Variants in ZC3H12D observed in about 807,000 individuals in gnomAD.
ZC3H12D encodes probable ribonuclease ZC3H12D.
ZC3H12D carries 11 observed loss-of-function variants against 24.2 expected under a neutral mutation model. The ratio of observed to expected loss-of-function variants is 0.46; its 90% CI spans 0.29 to 0.75. The LOEUF (loss-of-function observed/expected upper bound fraction) is 0.75. ZC3H12D is among the 30% of genes least tolerant of loss of function. The pLI is 0.11. For synonymous variants in ZC3H12D, 333 were observed against 341.8 expected (o/e 0.97, Z 0.28); for missense variants, 740 against 767.7 (o/e 0.96, Z 0.43).
At chr6:149,477,699 C>T (rs656461) in intron 1 of ZC3H12D, among the ~76,000 whole-genome samples, 25,420 of 152,096 alleles carry the variant, frequency 0.17, 3,407 homozygotes, top group East Asian at 0.72. Flanking sequence ...CCACTGAGCA[C>T]CAGGCACAGT....
intron 1 of ZC3H12D, among the ~76,000 whole-genome samples, chr6:149,481,214 C>T (rs548157212): frequency 6.6e-5 from 10 of 151,740 alleles, no homozygotes; most frequent in Non-Finnish European, 1.2e-4. Context: ...TCCCTCCCCA[C>T]GCAGGCACTG....
intron 2 of ZC3H12D, among the ~76,000 whole-genome samples, chr6:149,463,067 C>T (rs1013825384): frequency 3.9e-5 from 6 of 152,290 alleles, no homozygotes; most frequent in Middle Eastern, 3.4e-3. Flanking sequence ...CTGACTAATA[C>T]GGCTCCAAGA....
rs969474595 is a variant in ZC3H12D at position 149,452,072 on chromosome 6, T to C, written c.787+544A>G. The C allele has an allele frequency of 1.3e-5, 2 of 153,532 alleles. No individual in the cohort carries two copies. Among genetic ancestry groups the C allele is most frequent in the African/African-American group, 4.8e-5 (2 of 41,508 alleles). 9.5% of individuals were successfully genotyped at this position (153,532 alleles called of 1,614,324 possible). ...GGAGGAGTCAGCCTGAATGTATGTATGGTCACCTAATTCTAACAAGAAATG... is the reference window on the plus strand; with the variant it reads ...GGAGGAGTCAGCCTGAATGTATGTACGGTCACCTAATTCTAACAAGAAATG... On this transcript the variant is annotated intron_variant, in intron 5 of 5. Coordinates refer to ENST00000409806, the MANE Select transcript of ZC3H12D (RefSeq NM_207360.3). This position sits in a 1 kb window ranked among gnomAD's most constrained non-coding sequence, Gnocchi z 4.0.
At chr6:149,469,897 C>T (rs547610780) in intron 2 of ZC3H12D, among the ~76,000 whole-genome samples, 21 of 152,208 alleles carry the variant, frequency 1.4e-4, no homozygotes, top group Middle Eastern at 3.4e-3. Flanking sequence ...GGTCTCCTAC[C>T]CTGTGGTCCT....
rs1775938427 is a variant in ZC3H12D, at chr6:149,453,809, G to A, written c.681-1087C>T. ...TAGTTCCAGCTACTAGAAAAGCTGAGGAAGGAGGATCCCTGGAGTCCAGGA... is the reference window on the plus strand; with the variant it reads ...TAGTTCCAGCTACTAGAAAAGCTGAAGAAGGAGGATCCCTGGAGTCCAGGA... On this transcript the variant is annotated intron_variant, in intron 4 of 5. Transcript: ENST00000409806. Among the ~76,000 whole-genome samples the A allele has an allele frequency of 1.3e-5, 2 of 152,154 alleles. 1 individual carries two copies. The highest frequency in any genetic ancestry group is 4.1e-4 in the South Asian group (2 of 4,830).
At chr6:149,461,771 T>A in intron 3 of ZC3H12D, 60 bp downstream of exon 3, 8 of 1,495,432 alleles carry the variant, frequency 5.3e-6, no homozygotes, top group Non-Finnish European at 7.2e-6. Context: ...CTATCGATGT[T>A]AGAAGTGCAC....
intron 1 of ZC3H12D, among the ~76,000 whole-genome samples, chr6:149,478,430 T>C (rs1318866754): frequency 6.6e-6 from 1 of 152,174 alleles, no homozygotes; most frequent in East Asian, 1.9e-4. Context: ...TTATTTTTCA[T>C]GAAGATATGT....
intron 2 of ZC3H12D, among the ~76,000 whole-genome samples, chr6:149,470,211 T>C (rs1346149083): frequency 5.9e-5 from 9 of 151,954 alleles, no homozygotes; most frequent in Non-Finnish European, 1.3e-4. Flanking sequence ...ATACAAAAAA[T>C]TAGCCAGGCA....
intron 1 of ZC3H12D, among the ~76,000 whole-genome samples, chr6:149,476,711 G>A (rs1408573550): frequency 1.3e-5 from 2 of 152,178 alleles, no homozygotes; most frequent in Non-Finnish European, 2.9e-5. Flanking sequence ...AGGAGGCTGA[G>A]ACGGGAAAAT....
chr6:149,475,727 A>G (rs550249324), intron 1 of ZC3H12D, among the ~76,000 whole-genome samples: 163 of 150,132 alleles, frequency 1.1e-3, no homozygotes, highest in African/African-American at 3.5e-3. Context: ...AAAAAAAAAA[A>G]GGGGCCTGCC....
At chr6:149,458,115 T>TTTA (rs1388637695) in intron 3 of ZC3H12D, among the ~76,000 whole-genome samples, 2 of 133,648 alleles carry the variant, frequency 1.5e-5, no homozygotes, top group African/African-American at 7.3e-5. Context: ...CTTTTTCTTT[T>TTTA]TTTTTTTCGT....
chr6:149,454,923 A>C (rs990294832), intron 4 of ZC3H12D, among the ~76,000 whole-genome samples: 5 of 152,240 alleles, frequency 3.3e-5, no homozygotes, highest in African/African-American at 1.2e-4. Context: ...CCACGGCTGC[A>C]GGGGCAGTTG....
At chr6:149,463,241 C>T (rs1489480316) in intron 2 of ZC3H12D, among the ~76,000 whole-genome samples, 1 of 152,172 alleles carries the variant, frequency 6.6e-6, no homozygotes, top group Non-Finnish European at 1.5e-5. Context: ...GGGCAATGCC[C>T]TTCAAATTCC....
chr6:149,479,193 C>G (rs544162637), intron 1 of ZC3H12D, among the ~76,000 whole-genome samples: 2 of 152,226 alleles, frequency 1.3e-5, no homozygotes, highest in East Asian at 3.9e-4. Context: ...GATCCCATCT[C>G]TACAAAAAAT....
Position 149,456,534 on chromosome 6 carries a change from G to A in ZC3H12D, c.680+132C>T. The A allele has an allele frequency of 5.4e-6, 4 of 745,314 alleles. No homozygotes were observed. The highest frequency in any genetic ancestry group is 8.7e-6 in the Non-Finnish European group (4 of 459,156). The allele number at this position is 745,314 out of a possible 1,614,324, so 46.2% of individuals were successfully genotyped here. On this transcript the variant is annotated intron_variant, in intron 4 of 5. Transcript: ENST00000409806. This position sits in a 1 kb window ranked among gnomAD's most constrained non-coding sequence, Gnocchi z 4.3. ...GCCCGCCGAGAATGCGGACCTGGGGGAGCTCTGTCTGAGGGGCTGGGTGAC... is the reference window on the plus strand; with the variant it reads ...GCCCGCCGAGAATGCGGACCTGGGGAAGCTCTGTCTGAGGGGCTGGGTGAC...
At chr6:149,462,307 G>A (rs1043306453) in intron 2 of ZC3H12D, among the ~76,000 whole-genome samples, 1 of 152,100 alleles carries the variant, frequency 6.6e-6, no homozygotes, top group African/African-American at 2.4e-5. Flanking sequence ...CCGAAAGATG[G>A]AGGATTCAGT....
chr6:149,479,556 A>T (rs1776392430), intron 1 of ZC3H12D, among the ~76,000 whole-genome samples: 1 of 152,068 alleles, frequency 6.6e-6, no homozygotes. Context: ...CTCATCTACC[A>T]CAGCACTTTG....
chr6:149,457,778 AG>A (rs1776007459), intron 3 of ZC3H12D, among the ~76,000 whole-genome samples: 1 of 152,144 alleles, frequency 6.6e-6, no homozygotes, highest in African/African-American at 2.4e-5. Flanking sequence ...GGAGACATGC[AG>A]GAAAAAAAAA....
chr6:149,472,527 G>C (rs1648712686), intron 2 of ZC3H12D, among the ~76,000 whole-genome samples: 1 of 146,514 alleles, frequency 6.8e-6, no homozygotes, highest in South Asian at 2.3e-4. Flanking sequence ...AAATTAATCT[G>C]ATTGCAATCA....
Sources: gnomAD v4.1 joint callset for allele counts (sites outside exome capture counted in the v4.1 genomes callset) on GRCh38, gnomAD v4.1.1 for gene constraint, Gnocchi (gnomAD v3.1) non-coding constraint, MANE v1.5 for transcripts, NCBI Gene and HGNC (gene_info 2026-07-23, HGNC 2026-07-21) for gene names.